Variants in IQSEC2 observed in about 807,000 individuals in gnomAD.
IQSEC2 encodes IQ motif and Sec7 domain ArfGEF 2.
A neutral mutation model predicts 74.6 loss-of-function variants in IQSEC2; 6 were observed. That is an observed-to-expected ratio of 0.08 (90% CI 0.04 to 0.16). IQSEC2 has a LOEUF of 0.16. Among genes scored for constraint, IQSEC2 ranks in the 10% least tolerant of loss-of-function variants. The pLI is 1.00. For missense variants in IQSEC2, 734 were observed against 1,306.2 expected, an observed-to-expected ratio of 0.56 and a Z score of 6.75; for synonymous variants, 494 against 544.5, an observed-to-expected ratio of 0.91 and a Z score of 1.29.
intron 2 of IQSEC2, among the ~76,000 whole-genome samples, chrX:53,289,000 G>A (rs1014354948): frequency 3.8e-5 from 4 of 106,445 alleles, no homozygotes; most frequent in African/African-American, 1.4e-4. Context: ...CTAATTAGAC[G>A]CCACACTTCC....
intron 1 of IQSEC2, among the ~76,000 whole-genome samples, chrX:53,313,606 T>C (rs1374749599): frequency 8.9e-6 from 1 of 112,379 alleles, no homozygotes; most frequent in African/African-American, 3.2e-5. Context: ...TTTATGATCC[T>C]GCCAGGGAAC....
chrX:53,302,379 G>A (rs1047588666), intron 1 of IQSEC2, among the ~76,000 whole-genome samples: 1 of 112,660 alleles, frequency 8.9e-6, no homozygotes, highest in Admixed American at 9.4e-5. Context: ...TTTGCTCACT[G>A]TTTCCAAGTG....
At chrX:53,236,707 T>C (rs2074136645) in intron 12 of IQSEC2, among the ~76,000 whole-genome samples, 1 of 111,343 alleles carries the variant, frequency 9.0e-6, no homozygotes, top group Non-Finnish European at 1.9e-5. Context: ...GCCCAGCTCC[T>C]GTCTTGCACC....
chrX:53,255,331 A>G, intron 3 of IQSEC2, among the ~76,000 whole-genome samples: 2 of 111,658 alleles, frequency 1.8e-5, no homozygotes, highest in Admixed American at 1.9e-4. Flanking sequence ...AGGTTGAATT[A>G]CCTACATTCC....
rs189692932 is a variant in IQSEC2, at chrX:53,308,151, G to A, written c.707+12266C>T. Reference sequence around the variant, plus strand: ...CGCACTCCAGCCTAGGCGACAGAGCGAGACTCCATCTCAAAAAAAAAAAAA... The same window carrying A: ...CGCACTCCAGCCTAGGCGACAGAGCAAGACTCCATCTCAAAAAAAAAAAAA... On this transcript the variant is annotated intron_variant, in intron 1 of 14. Coordinates refer to ENST00000642864, the MANE Select transcript of IQSEC2 (RefSeq NM_001111125.3). Among the ~76,000 whole-genome samples the A allele has an allele frequency of 6.6e-3, 478 of 72,650 alleles. 5 individuals carry two copies. The highest frequency in any genetic ancestry group is 0.015 in the South Asian group (15 of 976). The allele number at this position is 72,650 out of a possible 115,157, so 63.1% of individuals were successfully genotyped here.
chrX:53,252,309 C>A (rs2074401571), intron 4 of IQSEC2, among the ~76,000 whole-genome samples: 1 of 108,799 alleles, frequency 9.2e-6, no homozygotes, highest in South Asian at 4.0e-4. Flanking sequence ...GACCTGCCCA[C>A]CTTGGCCTCC....
At chrX:53,242,314 A>G (rs2074236315) in intron 9 of IQSEC2, among the ~76,000 whole-genome samples, 1 of 107,375 alleles carries the variant, frequency 9.3e-6, no homozygotes, top group Non-Finnish European at 1.9e-5. Context: ...GGCGCCTGCA[A>G]TCCCAGGTAC....
chrX:53,263,573 GC>G (rs1379942331), intron 2 of IQSEC2, among the ~76,000 whole-genome samples: 1 of 110,117 alleles, frequency 9.1e-6, no homozygotes, highest in African/African-American at 3.3e-5. Flanking sequence ...ACATAACCAA[GC>G]CCATGCTCAT....
chrX:53,280,192 G>C (rs1343643971), intron 2 of IQSEC2, among the ~76,000 whole-genome samples: 3 of 86,999 alleles, frequency 3.4e-5, no homozygotes, highest in Non-Finnish European at 6.7e-5. Context: ...GACGGGAGGG[G>C]AAGGGGGGAT....
At chrX:53,297,669 T>A (rs939795941) in intron 1 of IQSEC2, among the ~76,000 whole-genome samples, 1 of 111,699 alleles carries the variant, frequency 9.0e-6, no homozygotes, top group Non-Finnish European at 1.9e-5. Context: ...GTTCTCTTCA[T>A]ACAAATGATC....
chrX:53,261,555 C>T (rs1246866275), intron 2 of IQSEC2, among the ~76,000 whole-genome samples: 2 of 110,311 alleles, frequency 1.8e-5, no homozygotes, highest in African/African-American at 6.6e-5. Flanking sequence ...TACAATAACA[C>T]AGACACATGC....
chrX:53,289,220 AAC>A (rs2075068362), intron 2 of IQSEC2, among the ~76,000 whole-genome samples: 1 of 110,016 alleles, frequency 9.1e-6, no homozygotes, highest in South Asian at 3.9e-4. Context: ...CCAAGAGACA[AAC>A]AGATTGTCCA....
At chrX:53,294,618 T>C (rs1427935587) in intron 1 of IQSEC2, among the ~76,000 whole-genome samples, 3 of 111,486 alleles carry the variant, frequency 2.7e-5, no homozygotes, top group Non-Finnish European at 5.7e-5. Context: ...GCTGTGTTAG[T>C]TGAGTTCCAA....
At chrX:53,297,688 C>T (rs1036682336) in intron 1 of IQSEC2, among the ~76,000 whole-genome samples, 8 of 111,537 alleles carry the variant, frequency 7.2e-5, no homozygotes, top group African/African-American at 2.6e-4. Context: ...TCAATTCTCC[C>T]CAAACTGTCA....
At chrX:53,279,792 G>A (rs1219485348) in intron 2 of IQSEC2, 3 of 485,952 alleles carry the variant, frequency 6.2e-6, no homozygotes, top group Non-Finnish European at 1.1e-5. Context: ...AGGAATGGAG[G>A]ATGGGAAATG....
intron 1 of IQSEC2, among the ~76,000 whole-genome samples, chrX:53,298,195 G>A (rs1556874774): frequency 9.1e-6 from 1 of 109,594 alleles, no homozygotes; most frequent in African/African-American, 3.3e-5. Context: ...TCTCCTTTGC[G>A]TTGAACTTCC....
chrX:53,240,723 A>G (rs1337484473), intron 10 of IQSEC2, among the ~76,000 whole-genome samples: 1 of 111,434 alleles, frequency 9.0e-6, no homozygotes, highest in African/African-American at 3.3e-5. Flanking sequence ...TCCCTAAAAG[A>G]CAAACATCTC....
intron 1 of IQSEC2, among the ~76,000 whole-genome samples, chrX:53,307,637 G>C (rs113867919): frequency 0.029 from 3,105 of 107,566 alleles, 115 homozygotes; most frequent in African/African-American, 0.098. Context: ...AGGTATGGTG[G>C]CTCACGCCTG....
chrX:53,279,814 G>A (rs185090561), intron 2 of IQSEC2: 9 of 441,577 alleles, frequency 2.0e-5, no homozygotes, highest in South Asian at 1.4e-4. Flanking sequence ...AAGAGGAGGC[G>A]TGGGAGGCAG....
Sources: gnomAD v4.1 joint callset for allele counts (sites outside exome capture counted in the v4.1 genomes callset) on GRCh38, gnomAD v4.1.1 for gene constraint, MANE v1.5 for transcripts, NCBI Gene and HGNC (gene_info 2026-07-23, HGNC 2026-07-21) for gene names.